The following SLC12A2 variants were observed in gnomAD, a reference collection of about 807,000 sequenced individuals.
SLC12A2 encodes the protein Na-K-2Cl cotransporter 1.
SLC12A2 carries 67 observed loss-of-function variants against 136.3 expected under a neutral mutation model. The observed-to-expected ratio is 0.49, with a 90% CI of 0.40 to 0.60. The LOEUF is 0.60. Among genes scored for constraint, SLC12A2 ranks in the 20% least tolerant of loss-of-function variants. The pLI, the probability that SLC12A2 is intolerant of heterozygous loss-of-function variation, is 0.00. For missense variants in SLC12A2, 1,322 were observed against 1,534.7 expected (o/e 0.86, Z 2.32); for synonymous variants, 619 against 562.9 (o/e 1.10, Z -1.41).
At chr5:128,176,951 G>A (rs548360180) in intron 20 of SLC12A2, among the ~76,000 whole-genome samples, 154 bp from the exon 21 acceptor site, 1 of 152,152 alleles carries the variant, frequency 6.6e-6, no homozygotes, top group Non-Finnish European at 1.5e-5. Flanking sequence ...TCAACACTCA[G>A]TGCAGAAAAT....
chr5:128,140,617 C>T (rs1231652008), intron 9 of SLC12A2, among the ~76,000 whole-genome samples: 1 of 149,884 alleles, frequency 6.7e-6, no homozygotes, highest in Non-Finnish European at 1.5e-5. Flanking sequence ...TAGGGGTAAC[C>T]CCTTGATGCT....
chr5:128,163,819 A>G lies in SLC12A2; in HGVS notation c.2616+2019A>G, dbSNP rs543110197. ...TAATAGAATACATAGTAAAAATGCA[A>G]AGAGAACATGAAGATACAGTGGAGG... On this transcript the variant is annotated intron_variant, in intron 17 of 26. Transcript: ENST00000262461. Among the ~76,000 whole-genome samples the G allele has an allele frequency of 8.2e-4, 125 of 152,312 alleles. No homozygotes were observed. The Middle Eastern group carries it at 0.017, about 21-fold the overall frequency.
At chr5:128,103,104 C>T (rs763796959) in intron 1 of SLC12A2, among the ~76,000 whole-genome samples, 7 of 152,098 alleles carry the variant, frequency 4.6e-5, no homozygotes, top group Non-Finnish European at 7.3e-5. Flanking sequence ...TAAGGATATG[C>T]TGAGGAGTAG....
chr5:128,115,579 C>G (rs1761315498), intron 4 of SLC12A2, among the ~76,000 whole-genome samples: 1 of 152,124 alleles, frequency 6.6e-6, no homozygotes, highest in Admixed American at 6.5e-5. Context: ...TCCCTGAAAA[C>G]AAGAAGAAAA....
intron 15 of SLC12A2, among the ~76,000 whole-genome samples, chr5:128,154,686 T>C (rs1039778390): frequency 6.6e-6 from 1 of 152,158 alleles, no homozygotes; most frequent in African/African-American, 2.4e-5. Flanking sequence ...CAGAGAGTAC[T>C]GAATTTGATT....
intron 4 of SLC12A2, among the ~76,000 whole-genome samples, chr5:128,121,946 T>G (rs1311623615): frequency 6.6e-6 from 1 of 152,206 alleles, no homozygotes; most frequent in African/African-American, 2.4e-5. Flanking sequence ...TTTCCTAGAT[T>G]ACACAGACCA....
intron 11 of SLC12A2, among the ~76,000 whole-genome samples, chr5:128,148,119 A>G (rs1762589226): frequency 6.6e-6 from 1 of 151,746 alleles, no homozygotes; most frequent in African/African-American, 2.4e-5. Context: ...TTTTACAAAT[A>G]TTTAAACACC....
intron 4 of SLC12A2, among the ~76,000 whole-genome samples, chr5:128,123,313 C>T (rs976495020): frequency 1.3e-5 from 2 of 152,090 alleles, no homozygotes; most frequent in Non-Finnish European, 2.9e-5. Flanking sequence ...ATTTGCCAAA[C>T]ATTAAGAGGC....
rs1341007099 is a variant in SLC12A2 at position 128,171,703 on chromosome 5, T to A, written c.2760T>A (p.Ile920=). 6.3e-7 allele frequency: 1 copy of A among 1,590,818 alleles called. No homozygotes were observed. Among genetic ancestry groups the A allele is most frequent in the African/African-American group, 1.4e-5 (1 of 72,986 alleles). Residue 920 remains isoleucine (I), a synonymous_variant, in exon 19 of 27, where the codon ATT becomes ATA. Coordinates refer to ENST00000262461, the MANE Select transcript of SLC12A2 (RefSeq NM_001046.3). Reference sequence around the variant, plus strand: ...ACATACAATATGGAGTAGTGGTTATTCGCCTAAAAGAAGGTCTGGATATAT... The same window carrying A: ...ACATACAATATGGAGTAGTGGTTATACGCCTAAAAGAAGGTCTGGATATAT... ...AFDIQYGVVV[I]RLKEGLDISH...
chr5:128,104,525 G>C (rs1465516574), intron 1 of SLC12A2, among the ~76,000 whole-genome samples: 54 of 152,018 alleles, frequency 3.6e-4, no homozygotes, highest in East Asian at 5.8e-4. Flanking sequence ...CCAGCTACTT[G>C]GGAGGCTGAG....
At chr5:128,162,711 G>A (rs921078273) in intron 17 of SLC12A2, among the ~76,000 whole-genome samples, 1 of 152,162 alleles carries the variant, frequency 6.6e-6, no homozygotes, top group Non-Finnish European at 1.5e-5. Context: ...GAAAAAAAGC[G>A]AAAGATATGA....
At chr5:128,134,868 T>G (rs1175641526) in intron 6 of SLC12A2, among the ~76,000 whole-genome samples, 2 of 152,092 alleles carry the variant, frequency 1.3e-5, no homozygotes, top group Non-Finnish European at 2.9e-5. Context: ...GAAGACCTTA[T>G]AAAAGTCACA....
intron 1 of SLC12A2, chr5:128,110,982 C>T: frequency 1.3e-6 from 1 of 778,934 alleles, no homozygotes; most frequent in Non-Finnish European, 2.3e-6. Flanking sequence ...GGAAAAAGAC[C>T]AAAGATGAAC....
chr5:128,087,314 A>G (rs1760138418), intron 1 of SLC12A2, among the ~76,000 whole-genome samples: 2 of 152,354 alleles, frequency 1.3e-5, no homozygotes, highest in South Asian at 4.1e-4. Context: ...TTATGTGGTG[A>G]TTAGCAAACC....
intron 18 of SLC12A2, chr5:128,170,871 G>A (rs1763352070): frequency 6.6e-6 from 1 of 152,170 alleles, no homozygotes; most frequent in African/African-American, 2.4e-5. Flanking sequence ...GACAAGGCAG[G>A]TGGGTCACGA....
In SLC12A2 at chr5:128,180,756, C is replaced by T. The variant is rs780444515; in HGVS notation, c.3101-127C>T. ...GCTAATGGCTTTTTGACTGAATTATCAAGGAAGGACAGAAAGATTTTTGTT... is the reference window on the plus strand; with the variant it reads ...GCTAATGGCTTTTTGACTGAATTATTAAGGAAGGACAGAAAGATTTTTGTT... On this transcript the variant is annotated intron_variant, in intron 22 of 26. Coordinates refer to ENST00000262461, the MANE Select transcript of SLC12A2 (RefSeq NM_001046.3). 16 of 625,986 alleles carry T rather than the reference C, an allele frequency of 2.6e-5. No individual in the cohort carries two copies. In the South Asian group the frequency reaches 2.9e-4, roughly 11 times the overall value. The allele number at this position is 625,986 out of a possible 1,614,324, so 38.8% of individuals were successfully genotyped here. A position where few individuals can be genotyped will look rare whatever the true frequency, so the allele number is the denominator to read the frequency against.
At chr5:128,121,372 G>T (rs1402735117) in intron 4 of SLC12A2, among the ~76,000 whole-genome samples, 1 of 152,054 alleles carries the variant, frequency 6.6e-6, no homozygotes. Context: ...GCCCAGGCTG[G>T]AGTAAAGTGG....
At chr5:128,103,272 G>A (rs1479170421) in intron 1 of SLC12A2, among the ~76,000 whole-genome samples, 1 of 152,182 alleles carries the variant, frequency 6.6e-6, no homozygotes. Flanking sequence ...TTCTCAGACA[G>A]TATGGAGTGG....
chr5:128,178,927 A>T (rs1290498289), intron 22 of SLC12A2, among the ~76,000 whole-genome samples: 1 of 152,114 alleles, frequency 6.6e-6, no homozygotes, highest in Non-Finnish European at 1.5e-5. Flanking sequence ...CTTTTTTTTA[A>T]TATGAACCAT....
Sources: gnomAD v4.1 joint callset for allele counts (sites outside exome capture counted in the v4.1 genomes callset) on GRCh38, gnomAD v4.1.1 for gene constraint, MANE v1.5 for transcripts, NCBI Gene and HGNC (gene_info 2026-07-23, HGNC 2026-07-21) for gene names.